The following FHOD3 variants were observed in gnomAD, a reference collection of about 807,000 sequenced individuals.
FHOD3 encodes formin homology 2 domain containing 3.
Under a neutral mutation model 173.0 loss-of-function variants are expected in FHOD3, and 90 were observed. That is an observed-to-expected ratio of 0.52 (90% CI 0.44 to 0.62). The LOEUF is 0.62. Ranked by LOEUF, FHOD3 falls within the 20% of genes least tolerant of loss-of-function variation. FHOD3 has a pLI of 0.00. For missense variants in FHOD3, 1,945 were observed against 2,034.7 expected (o/e 0.96, Z 0.85); for synonymous variants, 828 against 823.0 (o/e 1.01, Z -0.10).
intron 1 of FHOD3, among the ~76,000 whole-genome samples, chr18:36,299,224 G>A (rs542594029): frequency 1.3e-5 from 2 of 152,192 alleles, no homozygotes; most frequent in African/African-American, 2.4e-5. Context: ...TAAGGAATGG[G>A]GCATTTCCAT....
chr18:36,749,542 G>C (rs777166951), intron 24 of FHOD3, among the ~76,000 whole-genome samples: 1 of 152,326 alleles, frequency 6.6e-6, no homozygotes, highest in South Asian at 2.1e-4. Flanking sequence ...GTGTTTCGTG[G>C]TGTATATGTA....
chr18:36,678,090 C>G (rs1203606267), intron 14 of FHOD3, among the ~76,000 whole-genome samples: 1 of 152,124 alleles, frequency 6.6e-6, no homozygotes, highest in African/African-American at 2.4e-5. Context: ...GTCAGATTAT[C>G]TGTAAATAGT....
At chr18:36,762,959 C>A (rs969003519) in intron 27 of FHOD3, among the ~76,000 whole-genome samples, 1 of 111,318 alleles carries the variant, frequency 9.0e-6, no homozygotes, top group Admixed American at 9.7e-5. Context: ...GTATTATATA[C>A]GTTATATATG....
intron 3 of FHOD3, among the ~76,000 whole-genome samples, chr18:36,420,138 T>C (rs752205818): frequency 2.0e-5 from 3 of 152,184 alleles, no homozygotes; most frequent in Non-Finnish European, 2.9e-5. Flanking sequence ...GGGCATTCCT[T>C]ACAGTTGTAC....
intron 7 of FHOD3, among the ~76,000 whole-genome samples, chr18:36,598,548 T>G (rs1289241123): frequency 6.8e-6 from 1 of 146,550 alleles, no homozygotes; most frequent in Non-Finnish European, 1.5e-5. Context: ...GAAGGAAATT[T>G]GTTTTTAAAT....
chr18:36,776,728 T>C (rs527690461), intron 28 of FHOD3, among the ~76,000 whole-genome samples: 1 of 152,230 alleles, frequency 6.6e-6, no homozygotes, highest in South Asian at 2.1e-4. Flanking sequence ...AGAGGACACA[T>C]GAGCCCAGAC....
chr18:36,577,735 T>G (rs1478767722), intron 6 of FHOD3, among the ~76,000 whole-genome samples: 1 of 152,228 alleles, frequency 6.6e-6, no homozygotes, highest in African/African-American at 2.4e-5. Context: ...CCCATGCATT[T>G]TGGCACATCA....
chr18:36,680,575 T>A (rs16968162), intron 14 of FHOD3, among the ~76,000 whole-genome samples: 17,725 of 152,250 alleles, frequency 0.12, 1,344 homozygotes, highest in Non-Finnish European at 0.17. Flanking sequence ...GATTTTCTCT[T>A]CTCCCACTCA....
chr18:36,436,005 A>C (rs977537180), intron 3 of FHOD3, among the ~76,000 whole-genome samples: 1 of 152,166 alleles, frequency 6.6e-6, no homozygotes, highest in African/African-American at 2.4e-5. Context: ...TCCTTCACTG[A>C]GAAAGTCTGG....
chr18:36,589,065 C>T (rs1296181406), intron 6 of FHOD3, among the ~76,000 whole-genome samples: 1 of 152,120 alleles, frequency 6.6e-6, no homozygotes, highest in Admixed American at 6.6e-5. Context: ...GGCTTTTAGC[C>T]TTTATTTTGA....
chr18:36,715,690 C>A (rs2040410730), intron 18 of FHOD3, among the ~76,000 whole-genome samples: 1 of 146,802 alleles, frequency 6.8e-6, no homozygotes, highest in Non-Finnish European at 1.5e-5. Context: ...CAGAGGCAGA[C>A]AATAAAATAA....
At chr18:36,356,296 A>G (rs1307642945) in intron 2 of FHOD3, among the ~76,000 whole-genome samples, 2 of 152,232 alleles carry the variant, frequency 1.3e-5, no homozygotes, top group African/African-American at 4.8e-5. Flanking sequence ...CTTTTTGCCT[A>G]TACCTAGAAT....
At chr18:36,525,616 T>C (rs1345349620) in intron 5 of FHOD3, among the ~76,000 whole-genome samples, 1 of 152,224 alleles carries the variant, frequency 6.6e-6, no homozygotes, top group Non-Finnish European at 1.5e-5. Context: ...CTAAATTTGG[T>C]ACAGAATACT....
At chr18:36,493,787 T>G (rs1329121207) in intron 3 of FHOD3, among the ~76,000 whole-genome samples, 4 of 152,202 alleles carry the variant, frequency 2.6e-5, no homozygotes, top group Non-Finnish European at 4.4e-5. Flanking sequence ...AAATCTCCTC[T>G]TGAAACGTGG....
intron 6 of FHOD3, among the ~76,000 whole-genome samples, chr18:36,580,446 G>A (rs1017304966): frequency 2.0e-5 from 3 of 152,240 alleles, no homozygotes; most frequent in Non-Finnish European, 2.9e-5. Flanking sequence ...AGTTCACTGT[G>A]TTGTTGGAAA....
At chr18:36,396,958 C>G (rs1483051132) in intron 3 of FHOD3, among the ~76,000 whole-genome samples, 1 of 151,950 alleles carries the variant, frequency 6.6e-6, no homozygotes, top group Non-Finnish European at 1.5e-5. Flanking sequence ...GATTTCTTGT[C>G]TCTATTCTTG....
At chr18:36,507,524 T>C (rs529706033) in intron 4 of FHOD3, among the ~76,000 whole-genome samples, 1 of 152,322 alleles carries the variant, frequency 6.6e-6, no homozygotes, top group South Asian at 2.1e-4. Flanking sequence ...TTGTCTTGAG[T>C]ACGGTAGTCT....
chr18:36,395,189 A>T (rs536194858), intron 3 of FHOD3, among the ~76,000 whole-genome samples: 71 of 148,952 alleles, frequency 4.8e-4, no homozygotes, highest in Admixed American at 2.5e-3. Flanking sequence ...TGCTCTTCTC[A>T]TTTAAAAATA....
chr18:36,437,205 C>A (rs2050854187), intron 3 of FHOD3, among the ~76,000 whole-genome samples: 1 of 151,858 alleles, frequency 6.6e-6, no homozygotes, highest in South Asian at 2.1e-4. Context: ...GCATCCTTCG[C>A]CTCCTGGACT....
Sources: gnomAD v4.1 joint callset for allele counts (sites outside exome capture counted in the v4.1 genomes callset) on GRCh38, gnomAD v4.1.1 for gene constraint, MANE v1.5 for transcripts, NCBI Gene and HGNC (gene_info 2026-07-23, HGNC 2026-07-21) for gene names.